CACNA1E: variants seen among roughly 807,000 people sequenced by gnomAD.
CACNA1E encodes voltage-dependent R-type calcium channel subunit alpha-1E.
In CACNA1E, 40 loss-of-function variants were observed where a neutral mutation model predicts 259.2. The ratio of observed to expected loss-of-function variants is 0.15; its 90% CI spans 0.12 to 0.20. CACNA1E has a LOEUF of 0.20. Among genes scored for constraint, CACNA1E ranks in the 10% least tolerant of loss-of-function variants. The pLI, the probability that CACNA1E is intolerant of heterozygous loss-of-function variation, is 1.00. For missense variants in CACNA1E, 1,874 were observed against 3,040.1 expected (o/e 0.62, Z 9.02); for synonymous variants, 1,104 against 1,138.5 (o/e 0.97, Z 0.61).
Position 181,570,932 on chromosome 1 carries a change from T to G in CACNA1E, c.513-6834T>G, listed in dbSNP as rs571072725. On this transcript the variant is annotated intron_variant, in intron 3 of 47. Coordinates refer to ENST00000367573, the MANE Select transcript of CACNA1E (RefSeq NM_001205293.3). ...TGCCCCAACAAGGTTTCTGCTTTCCTCTTTTCCCAGCCTGGTCTTCCAATA... is the reference window on the plus strand; with the variant it reads ...TGCCCCAACAAGGTTTCTGCTTTCCGCTTTTCCCAGCCTGGTCTTCCAATA... 2.6e-5 allele frequency among the ~76,000 whole-genome samples: 4 copies of G among 152,354 alleles called. No homozygotes were observed. The East Asian group carries it at 7.7e-4, about 29-fold the overall frequency.
upstream of CACNA1E, chr1:181,483,308 GC>G (rs1195305473): frequency 6.5e-6 from 1 of 154,894 alleles, no homozygotes; most frequent in Non-Finnish European, 1.4e-5. Context: ...TACCTAGCGG[GC>G]CGGTGCCTGC....
chr1:181,425,134 C>G (rs1043202740), intron 2 of CACNA1E, among the ~76,000 whole-genome samples: 3 of 152,174 alleles, frequency 2.0e-5, no homozygotes, highest in Non-Finnish European at 4.4e-5. Context: ...GTGGTTGTTT[C>G]TGTGTATTGC....
intron 7 of CACNA1E, among the ~76,000 whole-genome samples, chr1:181,670,374 T>C (rs1028202563): frequency 6.6e-6 from 1 of 152,232 alleles, no homozygotes; most frequent in Non-Finnish European, 1.5e-5. Context: ...TATTTTCCCC[T>C]TGGTGTCAAG....
intron 6 of CACNA1E, among the ~76,000 whole-genome samples, chr1:181,613,303 A>G (rs1363771980): frequency 6.6e-6 from 1 of 152,208 alleles, no homozygotes; most frequent in Non-Finnish European, 1.5e-5. Flanking sequence ...AAATCCACAT[A>G]TAACTTTTGA....
intron 36 of CACNA1E, chr1:181,771,643 C>G (rs929900233): frequency 2.1e-6 from 1 of 487,674 alleles, no homozygotes; most frequent in South Asian, 3.9e-5. Context: ...CTGCTAAATA[C>G]TTGGGTGGGA....
chr1:181,562,839 A>G (rs1254093835), intron 3 of CACNA1E, among the ~76,000 whole-genome samples: 5 of 152,178 alleles, frequency 3.3e-5, no homozygotes, highest in Non-Finnish European at 7.4e-5. Flanking sequence ...ACAACTCAGC[A>G]TTTTATGTGT....
chr1:181,521,297 G>C (rs1268820361), intron 3 of CACNA1E, among the ~76,000 whole-genome samples: 1 of 152,200 alleles, frequency 6.6e-6, no homozygotes, highest in African/African-American at 2.4e-5. Context: ...AGCTGGCCTT[G>C]GAGAGTCCTT....
intron 2 of CACNA1E, among the ~76,000 whole-genome samples, chr1:181,429,056 C>T (rs1367399122): frequency 6.6e-6 from 1 of 152,076 alleles, no homozygotes; most frequent in East Asian, 1.9e-4. Context: ...GTGGCACACG[C>T]CTGTAATCCC....
chr1:181,429,585 C>G (rs1349571766), intron 2 of CACNA1E, among the ~76,000 whole-genome samples: 1 of 152,182 alleles, frequency 6.6e-6, no homozygotes, highest in East Asian at 1.9e-4. Context: ...AGCCTGGGCA[C>G]ATCTCTTAAC....
intron 40 of CACNA1E, 45 bp downstream of exon 40, chr1:181,783,829 AC>A: frequency 8.1e-7 from 1 of 1,238,088 alleles, no homozygotes. Flanking sequence ...GAATTCTGGA[AC>A]AACTCATGCA....
chr1:181,591,336 T>C (rs1394736836), intron 6 of CACNA1E, among the ~76,000 whole-genome samples: 2 of 152,236 alleles, frequency 1.3e-5, no homozygotes, highest in African/African-American at 2.4e-5. Flanking sequence ...AGGCCCCAGC[T>C]TGTTTGCTTT....
rs540151743 is a variant in CACNA1E at position 181,474,875 on chromosome 1, C to T, written c.435-8869C>T. 7.2e-5 allele frequency among the ~76,000 whole-genome samples: 11 copies of T among 152,286 alleles called. No individual in the cohort carries two copies. In the South Asian group the frequency reaches 1.7e-3, roughly 23 times the overall value. The stretch of plus-strand genomic sequence containing the variant: ...TTGTTTAATGATTGATAAGATGGTG[C>T]TTGGGCAGTTAGTGTGCTGGAGAAG... On this transcript the variant is annotated intron_variant, in intron 2 of 11. Coordinates refer to the CACNA1E transcript ENST00000524607.
intron 46 of CACNA1E, 100 bp from the exon 47 acceptor site, chr1:181,796,568 C>G: frequency 1.1e-6 from 1 of 877,666 alleles, no homozygotes; most frequent in Non-Finnish European, 1.7e-6. Context: ...TCTGAGGGCC[C>G]AACCCCAGGC....
At chr1:181,460,705 A>G (rs1357654281) in intron 2 of CACNA1E, among the ~76,000 whole-genome samples, 1 of 152,214 alleles carries the variant, frequency 6.6e-6, no homozygotes, top group Non-Finnish European at 1.5e-5. Context: ...ATTCATTTAC[A>G]CTTAGAGTAG....
At chr1:181,672,487 G>C (rs1648911510) in intron 7 of CACNA1E, among the ~76,000 whole-genome samples, 1 of 152,210 alleles carries the variant, frequency 6.6e-6, no homozygotes, top group Admixed American at 6.5e-5. Context: ...AACCAAGACT[G>C]TGCTTTTATT....
intron 1 of CACNA1E, among the ~76,000 whole-genome samples, chr1:181,412,913 C>T (rs1205745988): frequency 1.3e-5 from 2 of 152,212 alleles, no homozygotes; most frequent in Non-Finnish European, 2.9e-5. Context: ...CCTGGTCCGC[C>T]GCGGATGCTC....
chr1:181,459,870 A>T (rs1427838590), intron 2 of CACNA1E, among the ~76,000 whole-genome samples: 1 of 152,182 alleles, frequency 6.6e-6, no homozygotes, highest in Non-Finnish European at 1.5e-5. Flanking sequence ...TGAACATTTG[A>T]TCAGTGAGAG....
chr1:181,789,566 C>T lies in CACNA1E; in HGVS notation c.5787-879C>T, dbSNP rs74127863. On this transcript the variant is annotated intron_variant, in intron 43 of 47. Coordinates refer to ENST00000367573, the MANE Select transcript of CACNA1E (RefSeq NM_001205293.3). ...AGTCCTTCCTCCCATAATCTGGAAG[C>T]TCACTCTGCATTCTTGAGCAGGTCA... is the stretch of plus-strand genomic sequence containing the variant. 4.5e-3 allele frequency among the ~76,000 whole-genome samples: 690 copies of T among 152,214 alleles called. 8 individuals are homozygous for T. The highest frequency in any genetic ancestry group is 0.016 in the African/African-American group (658 of 41,522).
intron 18 of CACNA1E, 109 bp from the exon 19 acceptor site, chr1:181,731,066 T>C (rs941813944): frequency 2.5e-6 from 2 of 794,294 alleles, no homozygotes; most frequent in East Asian, 2.6e-5. Context: ...GGAGACCTGA[T>C]GGCCACACAG....
Sources: allele counts gnomAD v4.1 joint callset (sites outside exome capture counted in the v4.1 genomes callset), GRCh38; gene constraint gnomAD v4.1.1; transcripts MANE v1.5; gene names NCBI Gene and HGNC (gene_info 2026-07-23, HGNC 2026-07-21).